Variants in DTNA observed in about 807,000 individuals in gnomAD.
DTNA encodes the protein dystrobrevin alpha, also known as dystrophin-related protein 3.
A neutral mutation model predicts 100.7 loss-of-function variants in DTNA; 43 were observed. That is an observed-to-expected ratio of 0.43 (90% CI 0.33 to 0.55). The LOEUF (loss-of-function observed/expected upper bound fraction) is 0.55. Among genes scored for constraint, DTNA ranks in the 20% least tolerant of loss-of-function variants. The probability of loss-of-function intolerance (pLI) is 0.04; values close to 1 mark genes in which losing one functional copy is unlikely to be tolerated. For synonymous variants in DTNA, 349 were observed against 347.9 expected (o/e 1.00, Z -0.04); for missense variants, 798 against 953.9 (o/e 0.84, Z 2.15).
chr18:34,569,476 A>T (rs979119634), intron 1 of DTNA, among the ~76,000 whole-genome samples: 1 of 152,110 alleles, frequency 6.6e-6, no homozygotes, highest in African/African-American at 2.4e-5. Context: ...TTTCTTGGTG[A>T]TAGTGAGAAA....
intron 1 of DTNA, among the ~76,000 whole-genome samples, chr18:34,535,352 A>G (rs865868791): frequency 6.6e-6 from 1 of 151,894 alleles, no homozygotes; most frequent in Non-Finnish European, 1.5e-5. Context: ...TTTCTTGTAA[A>G]TTTGTTTAAG....
At chr18:34,630,141 G>A (rs1271370123) in intron 1 of DTNA, among the ~76,000 whole-genome samples, 2 of 152,024 alleles carry the variant, frequency 1.3e-5, no homozygotes, top group Non-Finnish European at 2.9e-5. Flanking sequence ...GAGTTCAGAA[G>A]CCAGTACATT....
rs141824674 is a variant in DTNA at position 34,684,836 on chromosome 18, C to T, written c.-1-71140C>T. Among the ~76,000 whole-genome samples the T allele has an allele frequency of 4.5e-3, 691 of 152,266 alleles. 6 individuals carry two copies. The highest frequency in any genetic ancestry group is 0.015 in the African/African-American group (642 of 41,548). Reference sequence around the variant, plus strand: ...TGTTTCCTGACTTTTCAATGATCGCCGTTCTAACTGGCATGAGATGGTATC... The same window carrying T: ...TGTTTCCTGACTTTTCAATGATCGCTGTTCTAACTGGCATGAGATGGTATC... On this transcript the variant is annotated intron_variant, in intron 1 of 19. Coordinates refer to the DTNA transcript ENST00000283365.
chr18:34,703,505 T>A (rs551875006), intron 1 of DTNA, among the ~76,000 whole-genome samples: 1 of 152,294 alleles, frequency 6.6e-6, no homozygotes, highest in African/African-American at 2.4e-5. Flanking sequence ...TTGTTCACCA[T>A]CTTACCTTTT....
chr18:34,765,067 T>C (rs1181153501), intron 2 of DTNA, among the ~76,000 whole-genome samples: 1 of 152,140 alleles, frequency 6.6e-6, no homozygotes, highest in African/African-American at 2.4e-5. Context: ...CGAGAGATTC[T>C]GTGGTAGAAA....
chr18:34,725,591 G>C (rs1006105047), intron 1 of DTNA, among the ~76,000 whole-genome samples: 7 of 152,114 alleles, frequency 4.6e-5, no homozygotes, highest in Non-Finnish European at 8.8e-5. Context: ...TAAAAAGTCA[G>C]GAAAAAACAG....
chr18:34,792,873 C>A (rs922376002), intron 3 of DTNA, among the ~76,000 whole-genome samples: 1 of 152,026 alleles, frequency 6.6e-6, no homozygotes, highest in African/African-American at 2.4e-5. Flanking sequence ...GAAATGGAAG[C>A]CACATATCTA....
chr18:34,866,870 A>G lies in DTNA; in HGVS notation c.1743+2808A>G, dbSNP rs2096710697. The G allele has an allele frequency of 4.7e-6, 5 of 1,067,692 alleles. No individual in the cohort carries two copies. In the South Asian group the frequency reaches 2.3e-4, roughly 49 times the overall value. The allele number at this position is 1,067,692 out of a possible 1,614,324, so 66.1% of individuals were successfully genotyped here. A position where few individuals can be genotyped will look rare whatever the true frequency, so the allele number is the denominator to read the frequency against. On this transcript the variant is annotated intron_variant, in intron 17 of 22. Coordinates refer to ENST00000444659, the MANE Select transcript of DTNA (RefSeq NM_001386795.1). ...GGCTCCGGGAGACGAGAGGGTCATT[A>G]CATACTTTTTTTTTTTTCTGGAAAT...
chr18:34,501,465 A>G lies in DTNA; in HGVS notation c.-2+7951A>G, dbSNP rs185408309. On this transcript the variant is annotated intron_variant, in intron 1 of 19. Transcript: ENST00000283365. ...TTTTTGGTATTAGTATCAGGATAATACTAGCTTTATAAAATGAATAGGGAT... is the reference window on the plus strand; with the variant it reads ...TTTTTGGTATTAGTATCAGGATAATGCTAGCTTTATAAAATGAATAGGGAT... 6.6e-5 allele frequency among the ~76,000 whole-genome samples: 10 copies of G among 152,328 alleles called. No individual in the cohort carries two copies. The East Asian group carries it at 1.9e-3, about 29-fold the overall frequency.
At chr18:34,640,939 G>A (rs2059207002) in intron 1 of DTNA, among the ~76,000 whole-genome samples, 1 of 152,048 alleles carries the variant, frequency 6.6e-6, no homozygotes, top group East Asian at 1.9e-4. Context: ...GTTTGTTGTT[G>A]TTTGCTTTTT....
intron 1 of DTNA, among the ~76,000 whole-genome samples, chr18:34,609,287 C>A (rs2053755229): frequency 6.7e-6 from 1 of 149,516 alleles, no homozygotes; most frequent in South Asian, 2.1e-4. Context: ...CTCTGTCACC[C>A]AGGCTGGAGT....
In DTNA at chr18:34,769,666, A is replaced by C. The variant is rs888569059; in HGVS notation, c.148+3625A>C. On this transcript the variant is annotated intron_variant, in intron 3 of 22. Transcript: ENST00000444659. The stretch of plus-strand genomic sequence containing the variant: ...TAGGGAGGGCAGCCTTCTGGTTCAT[A>C]GGTGGCCCCTTTTCACTGTGTCCTC... 2.0e-5 allele frequency among the ~76,000 whole-genome samples: 3 copies of C among 149,888 alleles called. No individual in the cohort carries two copies. The East Asian group carries it at 6.0e-4, about 30-fold the overall frequency.
chr18:34,768,664 G>A (rs1357305459), intron 3 of DTNA, among the ~76,000 whole-genome samples: 2 of 152,188 alleles, frequency 1.3e-5, no homozygotes, highest in Non-Finnish European at 2.9e-5. Flanking sequence ...CCATCCCTGG[G>A]TGAAAATAGA....
chr18:34,530,555 T>C (rs1472045854), intron 1 of DTNA, among the ~76,000 whole-genome samples: 1 of 152,110 alleles, frequency 6.6e-6, no homozygotes, highest in Non-Finnish European at 1.5e-5. Context: ...TTCTATCATA[T>C]TATACATGGA....
At chr18:34,754,175 A>C (rs185844144) in intron 1 of DTNA, among the ~76,000 whole-genome samples, 11 of 152,258 alleles carry the variant, frequency 7.2e-5, no homozygotes, top group African/African-American at 2.2e-4. Context: ...TTCACCCATA[A>C]AAGCATCTGG....
Position 34,646,499 on chromosome 18 carries a change from T to C in DTNA, c.-1-109477T>C, listed in dbSNP as rs376533228. Among the ~76,000 whole-genome samples the C allele has an allele frequency of 4.2e-3, 637 of 152,302 alleles. 5 individuals are homozygous for C. Among genetic ancestry groups the C allele is most frequent in the Non-Finnish European group, 7.0e-3 (474 of 68,018 alleles). On this transcript the variant is annotated intron_variant, in intron 1 of 19. Transcript: ENST00000283365. ...AAATGATGTGAATTTACCAGAGTAA[T>C]AATCACCACTTTTAACTTTACTTGA... is the stretch of plus-strand genomic sequence containing the variant.
Position 34,875,215 on chromosome 18 carries a change from T to G in DTNA, c.1744-24T>G, listed in dbSNP as rs1407063834. The G allele has an allele frequency of 1.9e-6, 3 of 1,611,052 alleles. No homozygotes were observed. In the African/African-American group the frequency reaches 4.0e-5, roughly 22 times the overall value. ...ATGACATTTTCTTGGGAAAGCAAAT[T>G]AATGACCTGCATTGTCTCTCCAGAC... On this transcript the variant is annotated intron_variant, in intron 17 of 22. Transcript: ENST00000444659.
In DTNA at chr18:34,546,183, A is replaced by T. The variant is rs182533258; in HGVS notation, c.-2+52669A>T. ...AAAAATGAACTTACTGACACACGAT[A>T]AAAAACATGGGTCTCCCCTTCCCCC... On this transcript the variant is annotated intron_variant, in intron 1 of 19. Transcript: ENST00000283365. Among the ~76,000 whole-genome samples, 68 of 152,234 alleles carry T rather than the reference A, an allele frequency of 4.5e-4. No individual in the cohort carries two copies. In the East Asian group the frequency reaches 6.8e-3, roughly 15 times the overall value.
At chr18:34,824,663 T>C (rs1370761595) in intron 9 of DTNA, among the ~76,000 whole-genome samples, 1 of 152,046 alleles carries the variant, frequency 6.6e-6, no homozygotes, top group East Asian at 1.9e-4. Context: ...AAGAAAATAA[T>C]AAGTGGAAAA....
Sources: gnomAD v4.1 joint callset for allele counts (sites outside exome capture counted in the v4.1 genomes callset) on GRCh38, gnomAD v4.1.1 for gene constraint, MANE v1.5 for transcripts, NCBI Gene and HGNC (gene_info 2026-07-23, HGNC 2026-07-21) for gene names.